Variants in TLN2 observed in about 807,000 individuals in gnomAD.
TLN2 encodes the protein talin 2.
Under a neutral mutation model 294.7 loss-of-function variants are expected in TLN2, and 118 were observed. That is an observed-to-expected ratio of 0.40 (90% CI 0.34 to 0.47). The LOEUF is 0.47. Ranked by LOEUF, TLN2 falls within the 20% of genes least tolerant of loss-of-function variation. The pLI is 0.84. For missense variants in TLN2, 3,083 were observed against 3,282.2 expected (o/e 0.94, Z 1.48); for synonymous variants, 1,431 against 1,304.5 (o/e 1.10, Z -2.09).
intron 51 of TLN2, among the ~76,000 whole-genome samples, chr15:62,809,344 A>G (rs768280808): frequency 2.8e-4 from 43 of 152,076 alleles, no homozygotes; most frequent in Non-Finnish European, 5.7e-4. Flanking sequence ...GTGTATCTCG[A>G]CTTTTGTATA....
chr15:62,587,158 A>C (rs978230828), intron 1 of TLN2, among the ~76,000 whole-genome samples: 2 of 152,236 alleles, frequency 1.3e-5, no homozygotes, highest in Non-Finnish European at 2.9e-5. Flanking sequence ...GTAACTCCCT[A>C]CTCAGTGTTC....
intron 28 of TLN2, among the ~76,000 whole-genome samples, chr15:62,728,303 A>G (rs1274999873): frequency 6.6e-6 from 1 of 152,180 alleles, no homozygotes; most frequent in Non-Finnish European, 1.5e-5. Flanking sequence ...TGGTACATAC[A>G]GTGCTTCTTG....
chr15:62,818,087 A>G (rs2067259391), intron 52 of TLN2, among the ~76,000 whole-genome samples: 1 of 152,062 alleles, frequency 6.6e-6, no homozygotes, highest in Admixed American at 6.5e-5. Flanking sequence ...TGGGATTACA[A>G]GCATGAGCCA....
chr15:62,575,944 A>T (rs1405001444), intron 1 of TLN2, among the ~76,000 whole-genome samples: 1 of 152,150 alleles, frequency 6.6e-6, no homozygotes, highest in East Asian at 1.9e-4. Flanking sequence ...CATAAGTCAG[A>T]TGTAATTTTG....
intron 11 of TLN2, among the ~76,000 whole-genome samples, chr15:62,686,224 A>C (rs1180441591): frequency 2.0e-5 from 3 of 152,222 alleles, no homozygotes; most frequent in Non-Finnish European, 4.4e-5. Context: ...AGAAGATTCT[A>C]CTTTGACAGA....
chr15:62,696,922 A>G (rs904879006), intron 14 of TLN2, among the ~76,000 whole-genome samples: 3 of 152,126 alleles, frequency 2.0e-5, no homozygotes, highest in African/African-American at 7.2e-5. Context: ...CTTCATTTCC[A>G]CATTTCCCCT....
chr15:62,638,217 T>C (rs556399442), intron 3 of TLN2: 4 of 246,680 alleles, frequency 1.6e-5, no homozygotes, highest in Non-Finnish European at 3.2e-5. Flanking sequence ...AGAGTTCTAG[T>C]GTGTTCTGTA....
chr15:62,738,775 TCTC>T (rs2061163967), intron 30 of TLN2, among the ~76,000 whole-genome samples: 2 of 152,162 alleles, frequency 1.3e-5, no homozygotes, highest in Non-Finnish European at 1.5e-5. Context: ...CTTTGTTTCT[TCTC>T]TGCACAGGTA....
intron 1 of TLN2, among the ~76,000 whole-genome samples, chr15:62,515,346 A>G (rs898024417): frequency 6.6e-6 from 1 of 152,194 alleles, no homozygotes; most frequent in Non-Finnish European, 1.5e-5. Flanking sequence ...GTGTGAATAT[A>G]CTATAATTTA....
intron 1 of TLN2, among the ~76,000 whole-genome samples, chr15:62,410,548 G>A (rs1169149085): frequency 2.0e-5 from 3 of 152,220 alleles, no homozygotes; most frequent in African/African-American, 4.8e-5. Context: ...TGTGAAGCAT[G>A]TATTCCCTCA....
At chr15:62,410,767 C>G (rs2033727201) in intron 1 of TLN2, among the ~76,000 whole-genome samples, 1 of 152,204 alleles carries the variant, frequency 6.6e-6, no homozygotes, top group Non-Finnish European at 1.5e-5. Context: ...ATTAAACCAT[C>G]AGATTGATGA....
chr15:62,730,759 T>G (rs189876412), intron 28 of TLN2, among the ~76,000 whole-genome samples: 1 of 152,196 alleles, frequency 6.6e-6, no homozygotes, highest in African/African-American at 2.4e-5. Flanking sequence ...CTTTTTGAGT[T>G]TTTTTAGTCT....
intron 3 of TLN2, among the ~76,000 whole-genome samples, 132 bp downstream of exon 3, chr15:62,618,607 A>G (rs905698616): frequency 6.6e-6 from 1 of 152,206 alleles, no homozygotes; most frequent in South Asian, 2.1e-4. Flanking sequence ...GTCTCTGTCC[A>G]TCCCCTGGAG....
chr15:62,604,023 A>G (rs748398972), intron 2 of TLN2, among the ~76,000 whole-genome samples: 4 of 152,238 alleles, frequency 2.6e-5, no homozygotes, highest in African/African-American at 7.2e-5. Context: ...CTGTGTTCCA[A>G]TGAAACTTGA....
intron 52 of TLN2, among the ~76,000 whole-genome samples, chr15:62,817,275 A>G (rs943997044): frequency 6.6e-6 from 1 of 152,112 alleles, no homozygotes; most frequent in Admixed American, 6.5e-5. Flanking sequence ...TCATAGTAGG[A>G]CTTGTCCCAA....
intron 1 of TLN2, among the ~76,000 whole-genome samples, chr15:62,484,444 G>C (rs1412159814): frequency 2.0e-5 from 3 of 148,952 alleles, no homozygotes; most frequent in Non-Finnish European, 3.0e-5. Flanking sequence ...TCTTTTTTTT[G>C]AGACGGAGTC....
At chr15:62,485,674 C>T (rs1032064874) in intron 1 of TLN2, among the ~76,000 whole-genome samples, 1 of 152,206 alleles carries the variant, frequency 6.6e-6, no homozygotes, top group African/African-American at 2.4e-5. Context: ...TTAGTTAAAT[C>T]AGGTAACCTT....
At chr15:62,449,916 A>G (rs1216226621) in intron 1 of TLN2, among the ~76,000 whole-genome samples, 4 of 152,238 alleles carry the variant, frequency 2.6e-5, no homozygotes, top group Non-Finnish European at 5.9e-5. Flanking sequence ...TTCTGAAATC[A>G]TGACTACTCC....
At chr15:62,508,309 C>T (rs1189453394) in intron 1 of TLN2, among the ~76,000 whole-genome samples, 3 of 152,072 alleles carry the variant, frequency 2.0e-5, no homozygotes, top group Non-Finnish European at 4.4e-5. Flanking sequence ...CTTCGCCTCC[C>T]GGGTTCAAGC....
Sources: gnomAD v4.1 joint callset for allele counts (sites outside exome capture counted in the v4.1 genomes callset) on GRCh38, gnomAD v4.1.1 for gene constraint, MANE v1.5 for transcripts, NCBI Gene and HGNC (gene_info 2026-07-23, HGNC 2026-07-21) for gene names.